Variants in ANKRD30B observed in about 807,000 individuals in gnomAD.
ANKRD30B encodes ankyrin repeat domain 30B, also known as ankyrin repeat domain-containing protein 30B.
A neutral mutation model predicts 202.2 loss-of-function variants in ANKRD30B; 144 were observed. The observed-to-expected ratio is 0.71, with a 90% CI of 0.62 to 0.82. The LOEUF (loss-of-function observed/expected upper bound fraction) is 0.82, where lower values mean the gene tolerates loss of function less well. ANKRD30B is among the 40% of genes least tolerant of loss of function. The pLI is 0.00. For missense variants in ANKRD30B, 1,487 were observed against 1,669.1 expected (o/e 0.89, Z 1.90); for synonymous variants, 508 against 561.3 (o/e 0.91, Z 1.34).
At chr18:14,836,496 T>A (rs1290380761) in intron 34 of ANKRD30B, among the ~76,000 whole-genome samples, 1 of 152,108 alleles carries the variant, frequency 6.6e-6, no homozygotes, top group Non-Finnish European at 1.5e-5. Context: ...TTACCATAAT[T>A]AACTCTCTAC....
chr18:14,783,527 TATAGACTAATG>T (rs1967884501), intron 12 of ANKRD30B, among the ~76,000 whole-genome samples: 1 of 152,132 alleles, frequency 6.6e-6, no homozygotes. Context: ...AAAAATTTAT[TATAGACTAATG>T]ATACACCAAA....
intron 33 of ANKRD30B, chr18:14,830,049 T>C (rs1278971362): frequency 6.5e-6 from 1 of 153,932 alleles, no homozygotes; most frequent in African/African-American, 2.4e-5. Flanking sequence ...CTCTGTTTAG[T>C]TGTTTTTCAG....
At chr18:14,783,787 G>A (rs1038839023) in intron 12 of ANKRD30B, among the ~76,000 whole-genome samples, 2 of 151,938 alleles carry the variant, frequency 1.3e-5, no homozygotes, top group African/African-American at 4.8e-5. Context: ...GGATAAACTG[G>A]AGGATACAGA....
At chr18:14,819,058 C>T (rs573118905) in intron 30 of ANKRD30B, among the ~76,000 whole-genome samples, 1 of 152,276 alleles carries the variant, frequency 6.6e-6, no homozygotes, top group South Asian at 2.1e-4. Flanking sequence ...GCCATTCTAA[C>T]TGGTGTGAGA....
the ANKRD30B span, among the ~76,000 whole-genome samples, chr18:14,933,284 T>A: frequency 6.6e-6 from 1 of 152,158 alleles, no homozygotes; most frequent in Non-Finnish European, 1.5e-5. Context: ...TGTCCCACCC[T>A]CCTTCCCCAG....
intron 39 of ANKRD30B, among the ~76,000 whole-genome samples, chr18:14,847,183 G>T (rs1426720248): frequency 1.3e-5 from 2 of 149,332 alleles, no homozygotes; most frequent in African/African-American, 4.9e-5. Context: ...TGGCTATTAG[G>T]TATAACTCTT....
chr18:14,748,701 C>T (rs1422440815), intron 1 of ANKRD30B, 61 bp downstream of exon 1: 1 of 1,434,380 alleles, frequency 7.0e-7, no homozygotes, highest in Non-Finnish European at 9.3e-7. Context: ...GAGGATCGCC[C>T]CTTCAGAGTG....
At chr18:14,884,406 C>T in the ANKRD30B span, among the ~76,000 whole-genome samples, 7 of 152,086 alleles carry the variant, frequency 4.6e-5, no homozygotes, top group African/African-American at 1.7e-4. Flanking sequence ...TGAACTGTGT[C>T]CAGGCTCATG....
At chr18:14,924,066 C>T in the ANKRD30B span, among the ~76,000 whole-genome samples, 1,452 of 152,346 alleles carry the variant, frequency 9.5e-3, 30 homozygotes, top group African/African-American at 0.033. Context: ...AGTGCATGAT[C>T]CATCACCAAG....
the ANKRD30B span, among the ~76,000 whole-genome samples, chr18:14,868,163 A>G: frequency 1.3e-5 from 2 of 152,304 alleles, no homozygotes; most frequent in African/African-American, 2.4e-5. Flanking sequence ...CGTCAGTGCT[A>G]ATGGTGGCAG....
chr18:14,848,960 C>T, intron 40 of ANKRD30B, 31 bp downstream of exon 40: 7 of 1,463,228 alleles, frequency 4.8e-6, no homozygotes, highest in Non-Finnish European at 4.5e-6. Flanking sequence ...ATAAATATTT[C>T]AACTATTTAT....
In ANKRD30B at chr18:14,791,345, C is replaced by T. The variant is rs1968491432; in HGVS notation, c.1735-56C>T. ...AGATTCTAGTTAGAAAATTTTGATA[C>T]TCTTCATTACTAGGATTTTTTCATT... On this transcript the variant is annotated intron_variant, in intron 15 of 43. Coordinates refer to ENST00000690538, the MANE Select transcript of ANKRD30B (RefSeq NM_001367607.2). The T allele has an allele frequency of 1.4e-5, 20 of 1,429,030 alleles. 1 individual carries two copies. The South Asian group carries it at 2.3e-4, about 16-fold the overall frequency. The allele number at this position is 1,429,030 out of a possible 1,614,324, so 88.5% of individuals were successfully genotyped here. A position where few individuals can be genotyped will look rare whatever the true frequency, so the allele number is the denominator to read the frequency against.
At chr18:14,837,735 A>G in intron 36 of ANKRD30B, 59 bp downstream of exon 36, 1 of 1,407,268 alleles carries the variant, frequency 7.1e-7, no homozygotes, top group Non-Finnish European at 9.5e-7. Flanking sequence ...ATCTTAAAAC[A>G]TAAAAAGATG....
the ANKRD30B span, among the ~76,000 whole-genome samples, chr18:14,926,636 G>C: frequency 2.0e-5 from 3 of 152,008 alleles, no homozygotes. Context: ...TTTTATATTT[G>C]TTACATAAAA....
intron 7 of ANKRD30B, among the ~76,000 whole-genome samples, chr18:14,764,693 C>T (rs951401736): frequency 6.6e-6 from 1 of 152,088 alleles, no homozygotes; most frequent in African/African-American, 2.4e-5. Flanking sequence ...CAGTCAGGAT[C>T]CCACTTTTGG....
chr18:14,838,203 T>G (rs1409320101), intron 36 of ANKRD30B, among the ~76,000 whole-genome samples: 1 of 152,248 alleles, frequency 6.6e-6, no homozygotes, highest in Non-Finnish European at 1.5e-5. Context: ...ACTTGAGTTC[T>G]GAAGTTAAGT....
chr18:14,888,874 G>A, the ANKRD30B span: 264 of 1,018,182 alleles, frequency 2.6e-4, no homozygotes, highest in Non-Finnish European at 3.5e-4. Context: ...GTCCTTTGAA[G>A]TTACAATCTT....
intron 32 of ANKRD30B, among the ~76,000 whole-genome samples, chr18:14,823,582 C>T (rs1014843577): frequency 3.1e-4 from 47 of 152,124 alleles, no homozygotes; most frequent in African/African-American, 1.1e-3. Context: ...CTCTAAAGCA[C>T]TTGGCCTTAG....
chr18:14,912,677 A>G, the ANKRD30B span, among the ~76,000 whole-genome samples: 18 of 152,192 alleles, frequency 1.2e-4, no homozygotes, highest in Admixed American at 1.1e-3. Context: ...TTTTAGAACA[A>G]TTTCAGAAAG....
Sources: allele counts gnomAD v4.1 joint callset (sites outside exome capture counted in the v4.1 genomes callset), GRCh38; gene constraint gnomAD v4.1.1; transcripts MANE v1.5; gene names NCBI Gene and HGNC (gene_info 2026-07-23, HGNC 2026-07-21).